Variants in LAGE3 observed in about 807,000 individuals in gnomAD.
LAGE3 encodes L antigen family member 3.
LAGE3 carries 2 observed loss-of-function variants against 4.4 expected under a neutral mutation model. That is an observed-to-expected ratio of 0.46 (90% confidence interval 0.19 to 1.44). LAGE3 has a LOEUF of 1.44. Ranked by LOEUF, LAGE3 falls within the 40% of genes most tolerant of loss-of-function variation. The pLI is 0.26. For synonymous variants in LAGE3, 79 were observed against 60.0 expected (o/e 1.32, Z -1.47); for missense variants, 152 against 138.1 (o/e 1.10, Z -0.51).
chrX:154,478,474 C>G, intron 1 of LAGE3, 63 bp from the exon 2 acceptor site: 1 of 1,133,478 alleles, frequency 8.8e-7, no homozygotes, highest in South Asian at 2.1e-5. Flanking sequence ...GGCCTTCTTG[C>G]TCCTCTGAAG....
rs2069250522 is a variant in LAGE3, at chrX:154,478,212, G to T, written c.317+71C>A. 3.4e-6 allele frequency: 4 copies of T among 1,177,902 alleles called. No individual in the cohort carries two copies. In the African/African-American group the frequency reaches 7.1e-5, roughly 21 times the overall value. On this transcript the variant is annotated intron_variant, in intron 2 of 2. Transcript: ENST00000357360. ...GGCCCAGCGCACCTGGCGCTCCTTA[G>T]GGCTCATCCTTGGATGTCCCCCATG...
Position 154,479,225 on chromosome X carries a change from C to G in LAGE3, c.-310G>C. ...GTCGGTCCGGCCCCAGGAAGCCAACCCTGACGGGGCTTTTGAAGACACCGT... is the reference window on the plus strand; with the variant it reads ...GTCGGTCCGGCCCCAGGAAGCCAACGCTGACGGGGCTTTTGAAGACACCGT... On this transcript the variant is annotated 5_prime_UTR_variant, in exon 1 of 3. Transcript: ENST00000357360. 4.2e-6 allele frequency: 1 copy of G among 236,819 alleles called. No individual in the cohort carries two copies. The highest frequency in any genetic ancestry group is 7.6e-6 in the Non-Finnish European group (1 of 130,918). The allele number at this position is 236,819 out of a possible 1,213,427, so 19.5% of individuals were successfully genotyped here.
chrX:154,478,175 C>T, intron 2 of LAGE3, 108 bp downstream of exon 2: 1 of 1,126,330 alleles, frequency 8.9e-7, no homozygotes, highest in Non-Finnish European at 1.2e-6. Flanking sequence ...CACAGCCCCT[C>T]AGGCAGAGAC....
At chrX:154,478,706 G>T in intron 1 of LAGE3, 22 bp downstream of exon 1, 1 of 899,654 alleles carries the variant, frequency 1.1e-6, no homozygotes, top group Non-Finnish European at 1.4e-6. Flanking sequence ...GCCGCAAGCA[G>T]CCCCCAGCTC....
In LAGE3 at chrX:154,478,824, GC is replaced by G; in HGVS notation, c.91del (p.Ala31GlnfsTer69). The G allele has an allele frequency of 9.0e-7, 1 of 1,112,870 alleles. No individual in the cohort carries two copies. Among genetic ancestry groups the G allele is most frequent in the Non-Finnish European group, 1.2e-6 (1 of 853,622 alleles). The allele number at this position is 1,112,870 out of a possible 1,213,427, so 91.7% of individuals were successfully genotyped here. ...TGGGGGAGCTCCACCGGCCGGAGCT[GC>G]GGCTGTGTCCACGCCCCCGCGGCAG... ...HSCRGGVDTA[A>X]APAGGAPPAH... On this transcript the variant is annotated frameshift_variant, in exon 1 of 3. Coordinates refer to ENST00000357360, the MANE Select transcript of LAGE3 (RefSeq NM_006014.5). LOFTEE classifies it high-confidence loss of function.
chrX:154,478,677 C>A, intron 1 of LAGE3, 51 bp downstream of exon 1: 1 of 1,035,455 alleles, frequency 9.7e-7, no homozygotes. Context: ...TCCTTCTCCC[C>A]GAGTCCAGCC....
intron 1 of LAGE3, 125 bp from the exon 2 acceptor site, chrX:154,478,536 C>T: frequency 1.0e-6 from 1 of 994,151 alleles, no homozygotes; most frequent in East Asian, 3.4e-5. Context: ...CCTTACCTCG[C>T]CCAGGCCACC....
intron 1 of LAGE3, 89 bp from the exon 2 acceptor site, chrX:154,478,500 C>T: frequency 3.7e-6 from 4 of 1,084,252 alleles, no homozygotes; most frequent in Non-Finnish European, 4.9e-6. Flanking sequence ...TCTCAGGTCA[C>T]CCTGCCTAGT....
At chrX:154,478,534 C>G in intron 1 of LAGE3, 123 bp from the exon 2 acceptor site, 3 of 990,822 alleles carry the variant, frequency 3.0e-6, no homozygotes, top group Non-Finnish European at 4.0e-6. Flanking sequence ...CTCCTTACCT[C>G]GCCCAGGCCA....
Position 154,478,313 on chromosome X carries a change from T to A in LAGE3, c.287A>T (p.Asp96Val), listed in dbSNP as rs201041758. ...AEPHQRVVGK[D>V]LTVSGRILVV... ...CAGGATCCTGCCACTCACTGTGAGA[T>A]CCTTCCCAACCACCCTTTGGTGGGG... Residue 96 changes from aspartate to valine, a missense_variant, in exon 2 of 3, where the codon GAT becomes GTT. Coordinates refer to ENST00000357360, the MANE Select transcript of LAGE3 (RefSeq NM_006014.5). 2.5e-6 allele frequency: 3 copies of A among 1,209,551 alleles called. No homozygotes were observed. Among genetic ancestry groups the A allele is most frequent in the East Asian group, 3.0e-5 (1 of 33,735 alleles).
Position 154,479,187 on chromosome X carries a change from A to C in LAGE3, c.-272T>G. On this transcript the variant is annotated 5_prime_UTR_variant, in exon 1 of 3. Coordinates refer to ENST00000357360, the MANE Select transcript of LAGE3 (RefSeq NM_006014.5). The stretch of plus-strand genomic sequence containing the variant: ...TAACTCGATTCCAGAGCGCTGGTGC[A>C]AACTGACCCACAGTCGGTCCGGCCC... 7.4e-6 allele frequency: 2 copies of C among 271,804 alleles called. No individual in the cohort carries two copies. The highest frequency in any genetic ancestry group is 1.3e-5 in the Non-Finnish European group (2 of 153,222). 22.4% of individuals were successfully genotyped at this position (271,804 alleles called of 1,213,427 possible). A position where few individuals can be genotyped will look rare whatever the true frequency, so the allele number is the denominator to read the frequency against.
rs782080353 is a variant in LAGE3, at chrX:154,478,208, C to T, written c.317+75G>A. 8 of 1,177,815 alleles carry T rather than the reference C, an allele frequency of 6.8e-6. No homozygotes were observed. In the African/African-American group the frequency reaches 1.2e-4, roughly 18 times the overall value. ...GACCGGCCCAGCGCACCTGGCGCTC[C>T]TTAGGGCTCATCCTTGGATGTCCCC... On this transcript the variant is annotated intron_variant, in intron 2 of 2. Transcript: ENST00000357360.
In LAGE3 at chrX:154,477,895, C is replaced by CT. The variant is rs781866853; in HGVS notation, c.*48dup. ...CCCTAGGGAAGGATGGACGCACTGC[C>CT]TACAAGGAGACGCAAAGTGGGACCT... On this transcript the variant is annotated 3_prime_UTR_variant, in exon 3 of 3. Coordinates refer to ENST00000357360, the MANE Select transcript of LAGE3 (RefSeq NM_006014.5). The CT allele has an allele frequency of 2.9e-6, 3 of 1,049,310 alleles. No homozygotes were observed. Among genetic ancestry groups the CT allele is most frequent in the East Asian group, 6.1e-5 (2 of 32,990 alleles). The allele number at this position is 1,049,310 out of a possible 1,213,427, so 86.5% of individuals were successfully genotyped here. A position where few individuals can be genotyped will look rare whatever the true frequency, so the allele number is the denominator to read the frequency against.
chrX:154,478,730 T>C lies in LAGE3; in HGVS notation c.186A>G (p.Ile62Met). The change falls in exon 1 of 3, where the codon ATA (isoleucine) becomes ATG (methionine). Residue 62 changes from isoleucine to methionine, a missense_variant and splice_region_variant. Ile to Met is a conservative substitution (Grantham distance 10, BLOSUM62 1). Coordinates refer to ENST00000357360, the MANE Select transcript of LAGE3 (RefSeq NM_006014.5). The stretch of plus-strand genomic sequence containing the variant: ...AGCCCCCAGCTCGGAAAGGATACAA[T>C]ATGTGCGGCCGCATTCGTGACCCCC... ...AARGSRMRPH[I>M]FTLSVPFPTP... 3.2e-6 allele frequency: 3 copies of C among 943,072 alleles called. No homozygotes were observed. Among genetic ancestry groups the C allele is most frequent in the Non-Finnish European group, 1.3e-6 (1 of 754,514 alleles). The allele number at this position is 943,072 out of a possible 1,213,427, so 77.7% of individuals were successfully genotyped here.
rs1557211520 is a variant in LAGE3 at position 154,478,962 on chromosome X, A to T, written c.-47T>A. The stretch of plus-strand genomic sequence containing the variant: ...ACTCCACCCCCGAAGCGCAGGTCCT[A>T]CGCCCCGCCCTCTCTGTGGCTCCTT... On this transcript the variant is annotated 5_prime_UTR_variant, in exon 1 of 3. Transcript: ENST00000357360. 1.5e-6 allele frequency: 1 copy of T among 653,804 alleles called. No homozygotes were observed. The highest frequency in any genetic ancestry group is 4.4e-5 in the East Asian group (1 of 22,558). 53.9% of individuals were successfully genotyped at this position (653,804 alleles called of 1,213,427 possible). A position where few individuals can be genotyped will look rare whatever the true frequency, so the allele number is the denominator to read the frequency against.
chrX:154,478,253 T>C, intron 2 of LAGE3, 30 bp downstream of exon 2: 2 of 1,205,317 alleles, frequency 1.7e-6, no homozygotes, highest in Non-Finnish European at 2.2e-6. Flanking sequence ...ATGGGCCGCC[T>C]CCCCCAACCC....
Position 154,477,791 on chromosome X carries a change from T to G in LAGE3, c.*153A>C. ...GACTTGGAATAGTAGCGCAGTTTTA[T>G]TTTCTGTAGTAACAAACATTTAAGA... On this transcript the variant is annotated 3_prime_UTR_variant, in exon 3 of 3. Transcript: ENST00000357360. The G allele has an allele frequency of 2.2e-6, 1 of 445,951 alleles. No homozygotes were observed. The highest frequency in any genetic ancestry group is 4.2e-5 in the Admixed American group (1 of 23,709). 36.8% of individuals were successfully genotyped at this position (445,951 alleles called of 1,213,427 possible).
rs1156893827 is a variant in LAGE3, at chrX:154,479,049, G to A, written c.-134C>T. The A allele has an allele frequency of 3.1e-6, 1 of 327,126 alleles. No homozygotes were observed. The highest frequency in any genetic ancestry group is 4.8e-5 in the East Asian group (1 of 20,842). The allele number at this position is 327,126 out of a possible 1,213,427, so 27.0% of individuals were successfully genotyped here. A position where few individuals can be genotyped will look rare whatever the true frequency, so the allele number is the denominator to read the frequency against. ...ACGCGCCTGCGCAGGTCCCTGGAGA[G>A]CCTGACTGGCGCGTGGTCAGTTCCC... is the stretch of plus-strand genomic sequence containing the variant. On this transcript the variant is annotated 5_prime_UTR_variant, in exon 1 of 3. Transcript: ENST00000357360.
At position 154,479,098 on chromosome X, in the gene LAGE3, TTC is replaced by T. The variant is rs2069258463; in HGVS notation, c.-185_-184del. On this transcript the variant is annotated 5_prime_UTR_variant, in exon 1 of 3. Transcript: ENST00000357360. ...CCGCCAAGCGGCCCTGCCGGGGGCC[TTC>T]TGAGACCCGGTCAGCGGTTGAGAGG... The T allele has an allele frequency of 3.4e-6, 1 of 294,722 alleles. No homozygotes were observed. Among genetic ancestry groups the T allele is most frequent in the African/African-American group, 2.7e-5 (1 of 36,768 alleles). The allele number at this position is 294,722 out of a possible 1,213,427, so 24.3% of individuals were successfully genotyped here.
Sources: allele counts gnomAD v4.1 joint callset, GRCh38; gene constraint gnomAD v4.1.1; transcripts MANE v1.5; gene names NCBI Gene and HGNC (gene_info 2026-07-23, HGNC 2026-07-21).